The following NLGN1 variants were observed in gnomAD, a reference collection of about 807,000 sequenced individuals.
NLGN1 encodes neuroligin 1.
A neutral mutation model predicts 65.5 loss-of-function variants in NLGN1; 12 were observed. That is an observed-to-expected ratio of 0.18 (90% CI 0.12 to 0.30). NLGN1 has a LOEUF of 0.30. NLGN1 is among the 10% of genes least tolerant of loss of function. The pLI is 1.00. For synonymous variants in NLGN1, 350 were observed against 359.5 expected, an observed-to-expected ratio of 0.97 and a Z score of 0.30; for missense variants, 750 against 1,007.1, an observed-to-expected ratio of 0.74 and a Z score of 3.46.
chr3:174,210,592 A>T lies in NLGN1; in HGVS notation c.647-64723A>T, dbSNP rs530287505. On this transcript the variant is annotated intron_variant, in intron 4 of 6. Transcript: ENST00000457714. ...AAGCTTGAGGCCCAAAGAAAACAAGATCTTCCATCTCTTTATTAATAATTG... is the reference window on the plus strand; with the variant it reads ...AAGCTTGAGGCCCAAAGAAAACAAGTTCTTCCATCTCTTTATTAATAATTG... Among the ~76,000 whole-genome samples, 12 of 152,164 alleles carry T rather than the reference A, an allele frequency of 7.9e-5. 1 individual carries two copies. The highest frequency in any genetic ancestry group is 2.9e-5 in the Non-Finnish European group (2 of 68,028).
intron 4 of NLGN1, among the ~76,000 whole-genome samples, chr3:173,987,264 A>T (rs1467708141): frequency 6.6e-6 from 1 of 152,184 alleles, no homozygotes; most frequent in Non-Finnish European, 1.5e-5. Flanking sequence ...CACTTGTAAC[A>T]AAGGGAAGAG....
chr3:173,398,300 A>G (rs1437982266), upstream of NLGN1: 1 of 152,218 alleles, frequency 6.6e-6, no homozygotes, highest in Non-Finnish European at 1.5e-5. Flanking sequence ...CTTCTTCCCC[A>G]CAACGTTTCC....
chr3:173,879,578 T>C (rs915808408), intron 4 of NLGN1, among the ~76,000 whole-genome samples: 1 of 152,070 alleles, frequency 6.6e-6, no homozygotes, highest in Non-Finnish European at 1.5e-5. Flanking sequence ...TGTGGGTCAC[T>C]TTAGAATCAA....
At chr3:174,018,681 A>G (rs973035457) in intron 4 of NLGN1, among the ~76,000 whole-genome samples, 14 of 152,134 alleles carry the variant, frequency 9.2e-5, no homozygotes, top group African/African-American at 3.4e-4. Flanking sequence ...ATCATACACA[A>G]GGGTGCTGCC....
chr3:173,442,530 G>T (rs1346120795), intron 2 of NLGN1, among the ~76,000 whole-genome samples: 1 of 152,100 alleles, frequency 6.6e-6, no homozygotes, highest in African/African-American at 2.4e-5. Flanking sequence ...ACTTCACTTT[G>T]TTAGCATATA....
intron 2 of NLGN1, among the ~76,000 whole-genome samples, chr3:173,475,321 G>GATTA (rs10623087): frequency 0.49 from 74,840 of 151,466 alleles, 20,578 homozygotes; most frequent in East Asian, 0.83. Context: ...TTTGTTTTCT[G>GATTA]ATTATCAAAA....
chr3:174,084,126 A>G (rs1388545071), intron 4 of NLGN1, among the ~76,000 whole-genome samples: 1 of 152,180 alleles, frequency 6.6e-6, no homozygotes, highest in Non-Finnish European at 1.5e-5. Context: ...TAACTTTAGT[A>G]CTTTTGTGTG....
chr3:173,980,054 T>C (rs1411008381), intron 4 of NLGN1, among the ~76,000 whole-genome samples: 1 of 152,122 alleles, frequency 6.6e-6, no homozygotes, highest in Non-Finnish European at 1.5e-5. Context: ...TGAAGTAGCA[T>C]GGTGTTTCCC....
chr3:173,957,979 CAGATGCTGGCT>C (rs1385815790), intron 4 of NLGN1, among the ~76,000 whole-genome samples: 1 of 152,158 alleles, frequency 6.6e-6, no homozygotes, highest in Non-Finnish European at 1.5e-5. Context: ...CCAGGCACAC[CAGATGCTGGCT>C]CCCTGTGAGG....
At chr3:173,968,687 CTTTTTTTTTTTTTT>C (rs34662762) in intron 4 of NLGN1, among the ~76,000 whole-genome samples, 104 of 59,492 alleles carry the variant, frequency 1.7e-3, no homozygotes, top group African/African-American at 6.8e-3. Context: ...TGAAAATAAT[CTTTTTTTTTTTTTT>C]TTTTTTTTTT....
chr3:174,162,928 G>C (rs1726818368), intron 4 of NLGN1, among the ~76,000 whole-genome samples: 1 of 151,800 alleles, frequency 6.6e-6, no homozygotes, highest in Non-Finnish European at 1.5e-5. Flanking sequence ...ACCTCTGAGA[G>C]GAAGATATAT....
intron 3 of NLGN1, among the ~76,000 whole-genome samples, chr3:173,746,251 G>A (rs1352037186): frequency 6.6e-6 from 1 of 151,968 alleles, no homozygotes; most frequent in Non-Finnish European, 1.5e-5. Context: ...AACCTAGTGA[G>A]ACCCTATCTC....
At chr3:173,878,868 AT>A (rs1732693117) in intron 4 of NLGN1, among the ~76,000 whole-genome samples, 1 of 152,066 alleles carries the variant, frequency 6.6e-6, no homozygotes, top group African/African-American at 2.4e-5. Context: ...TTATGTGGAT[AT>A]TTACACCTTT....
intron 3 of NLGN1, among the ~76,000 whole-genome samples, chr3:173,651,520 T>A (rs571860948): frequency 6.6e-6 from 1 of 152,220 alleles, no homozygotes; most frequent in African/African-American, 2.4e-5. Flanking sequence ...TATTCTTATT[T>A]CTTTGAGAAG....
intron 2 of NLGN1, among the ~76,000 whole-genome samples, chr3:173,570,591 C>G (rs9877187): frequency 0.097 from 14,829 of 152,134 alleles, 1,285 homozygotes; most frequent in African/African-American, 0.24. Context: ...AGCCCTCCCC[C>G]CAATGGGTGC....
At chr3:173,768,201 G>A (rs1378064555) in intron 3 of NLGN1, among the ~76,000 whole-genome samples, 1 of 152,130 alleles carries the variant, frequency 6.6e-6, no homozygotes, top group Non-Finnish European at 1.5e-5. Context: ...GGGGGAAAAA[G>A]TTACTGTTAA....
chr3:173,723,587 T>C (rs1471446251), intron 3 of NLGN1, among the ~76,000 whole-genome samples: 2 of 152,158 alleles, frequency 1.3e-5, no homozygotes, highest in African/African-American at 4.8e-5. Flanking sequence ...TTTGTTCATA[T>C]ACAAGCAATG....
chr3:173,996,266 C>T (rs1373078043), intron 4 of NLGN1, among the ~76,000 whole-genome samples: 3 of 152,108 alleles, frequency 2.0e-5, no homozygotes, highest in Non-Finnish European at 4.4e-5. Context: ...TTTTAAGATC[C>T]TTGCTGTATA....
intron 3 of NLGN1, among the ~76,000 whole-genome samples, chr3:173,697,576 G>A (rs1450435145): frequency 1.3e-5 from 2 of 151,970 alleles, no homozygotes; most frequent in East Asian, 3.9e-4. Flanking sequence ...TGCCCAGGCT[G>A]GAGTGCAATG....
Sources: allele counts gnomAD v4.1 joint callset (sites outside exome capture counted in the v4.1 genomes callset), GRCh38; gene constraint gnomAD v4.1.1; transcripts MANE v1.5; gene names NCBI Gene and HGNC (gene_info 2026-07-23, HGNC 2026-07-21).